KIRREL3: variants seen among roughly 807,000 people sequenced by gnomAD.
The protein encoded by KIRREL3 is kin of IRRE-like protein 3.
A neutral mutation model predicts 89.7 loss-of-function variants in KIRREL3; 36 were observed. That is an observed-to-expected ratio of 0.40 (90% CI 0.31 to 0.53). KIRREL3 has a LOEUF of 0.53. Among genes scored for constraint, KIRREL3 ranks in the 20% least tolerant of loss-of-function variants. KIRREL3 has a pLI of 0.49. For missense variants in KIRREL3, 864 were observed against 1,056.6 expected, an observed-to-expected ratio of 0.82 and a Z score of 2.53; for synonymous variants, 445 against 441.4, an observed-to-expected ratio of 1.01 and a Z score of -0.10.
At position 126,454,165 on chromosome 11, in the gene KIRREL3, C is replaced by T. The variant is rs1221791868; in HGVS notation, c.848+2184G>A. Among the ~76,000 whole-genome samples, 1 of 106,528 alleles carries T rather than the reference C, an allele frequency of 9.4e-6. No homozygotes were observed. The highest frequency in any genetic ancestry group is 2.2e-5 in the Non-Finnish European group (1 of 44,988). The allele number at this position is 106,528 out of a possible 152,430, so 69.9% of individuals were successfully genotyped here. Reference sequence around the variant, plus strand: ...GAGACCTCTCCTCTCCTCCCACCTTCTTCTCTTTCCTATTATTGCTGTTCT... The same window carrying T: ...GAGACCTCTCCTCTCCTCCCACCTTTTTCTCTTTCCTATTATTGCTGTTCT... On this transcript the variant is annotated intron_variant, in intron 7 of 16. Transcript: ENST00000525144. This position sits in a 1 kb window ranked among gnomAD's most constrained non-coding sequence, Gnocchi z 5.8.
intron 1 of KIRREL3, among the ~76,000 whole-genome samples, chr11:126,927,298 A>C (rs1053828342): frequency 2.0e-5 from 3 of 152,210 alleles, no homozygotes; most frequent in African/African-American, 7.2e-5. Flanking sequence ...CACACTATGC[A>C]CTTGATACAC....
rs192139084 is a variant in KIRREL3, at chr11:126,999,366, A to G, written c.55+1089T>C. On this transcript the variant is annotated intron_variant, in intron 1 of 16. Coordinates refer to ENST00000525144, the MANE Select transcript of KIRREL3 (RefSeq NM_032531.4). The surrounding 1 kb of genome is among the most constrained non-coding windows in gnomAD (Gnocchi z 5.7). ...TTTGCTTATATTTGGCTTCTCCCCGACAGGGGAGAAACAGAAGACATGCTG... is the reference window on the plus strand; with the variant it reads ...TTTGCTTATATTTGGCTTCTCCCCGGCAGGGGAGAAACAGAAGACATGCTG... 6.6e-6 allele frequency among the ~76,000 whole-genome samples: 1 copy of G among 152,350 alleles called. No homozygotes were observed. The highest frequency in any genetic ancestry group is 1.5e-5 in the Non-Finnish European group (1 of 68,036).
chr11:126,675,976 C>T (rs1246086884), intron 1 of KIRREL3, among the ~76,000 whole-genome samples: 1 of 152,092 alleles, frequency 6.6e-6, no homozygotes, highest in African/African-American at 2.4e-5. Context: ...TTGATGACTC[C>T]ATGCTTTTGG....
chr11:126,822,065 G>C (rs1199091705), intron 1 of KIRREL3, among the ~76,000 whole-genome samples: 1 of 152,228 alleles, frequency 6.6e-6, no homozygotes, highest in Non-Finnish European at 1.5e-5. Flanking sequence ...AGCAAATGCA[G>C]AGTTAATGAG....
At chr11:126,839,555 C>T (rs1943893333) in intron 1 of KIRREL3, among the ~76,000 whole-genome samples, 2 of 152,272 alleles carry the variant, frequency 1.3e-5, no homozygotes, top group African/African-American at 4.8e-5. Context: ...TTCCAGAAAG[C>T]TGTTCTTCAA....
intron 1 of KIRREL3, among the ~76,000 whole-genome samples, chr11:126,873,783 T>C (rs987232361): frequency 2.0e-5 from 3 of 152,184 alleles, no homozygotes; most frequent in African/African-American, 7.2e-5. Context: ...CTCACTTGGC[T>C]GACTGGGTGC....
At chr11:126,500,232 G>A (rs1348991939) in intron 4 of KIRREL3, among the ~76,000 whole-genome samples, 1 of 152,220 alleles carries the variant, frequency 6.6e-6, no homozygotes, top group African/African-American at 2.4e-5. Context: ...CACCTGATGT[G>A]AGGCTAGCGT....
In KIRREL3 at chr11:126,817,922, C is replaced by T. The variant is rs1024321825; in HGVS notation, c.55+182533G>A. ...TGGCACCCCGTCCTCTTGGCTCTGG[C>T]TGAGCCACTCAGCTCTTGAATCAGA... On this transcript the variant is annotated intron_variant, in intron 1 of 16. Transcript: ENST00000525144. The surrounding 1 kb of genome is among the most constrained non-coding windows in gnomAD (Gnocchi z 5.7). 2.0e-5 allele frequency among the ~76,000 whole-genome samples: 3 copies of T among 152,228 alleles called. No individual in the cohort carries two copies. Among genetic ancestry groups the T allele is most frequent in the African/African-American group, 7.2e-5 (3 of 41,460 alleles).
chr11:126,490,764 A>G lies in KIRREL3; in HGVS notation c.434-17298T>C, dbSNP rs532888369. 6.6e-6 allele frequency among the ~76,000 whole-genome samples: 1 copy of G among 152,274 alleles called. No homozygotes were observed. The highest frequency in any genetic ancestry group is 2.1e-4 in the South Asian group (1 of 4,824). ...GTCTCTCCTCCCTCCTCGTCTCCCAAAGAATGGGTCTGCCTTCTTCATCTC... is the reference window on the plus strand; with the variant it reads ...GTCTCTCCTCCCTCCTCGTCTCCCAGAGAATGGGTCTGCCTTCTTCATCTC... On this transcript the variant is annotated intron_variant, in intron 4 of 16. Transcript: ENST00000525144. The surrounding 1 kb of genome is among the most constrained non-coding windows in gnomAD (Gnocchi z 4.2).
chr11:126,956,310 A>G (rs1336770312), intron 1 of KIRREL3, among the ~76,000 whole-genome samples: 1 of 152,068 alleles, frequency 6.6e-6, no homozygotes, highest in African/African-American at 2.4e-5. Flanking sequence ...ACTCCTTCCC[A>G]TGGAGGGATC....
rs928564463 is a variant in KIRREL3, at chr11:126,912,651, G to A, written c.55+87804C>T. 6.6e-6 allele frequency among the ~76,000 whole-genome samples: 1 copy of A among 152,244 alleles called. No homozygotes were observed. The highest frequency in any genetic ancestry group is 1.5e-5 in the Non-Finnish European group (1 of 68,046). On this transcript the variant is annotated intron_variant, in intron 1 of 16. Coordinates refer to ENST00000525144, the MANE Select transcript of KIRREL3 (RefSeq NM_032531.4). The surrounding 1 kb of genome is among the most constrained non-coding windows in gnomAD (Gnocchi z 4.7). ...ACCTTCCTTCAAGAGGCCATGCTGG[G>A]TAGCAATGGGGCTCCTGCCCCTGCT...
At position 126,796,702 on chromosome 11, in the gene KIRREL3, G is replaced by T. The variant is rs1365999882; in HGVS notation, c.55+203753C>A. On this transcript the variant is annotated intron_variant, in intron 1 of 16. Transcript: ENST00000525144. The surrounding 1 kb of genome is among the most constrained non-coding windows in gnomAD (Gnocchi z 5.1). ...TATTTTATTTTATTTTTGCAACAAG[G>T]TCTTGCTCTGTTGCCCAGGCTGGAG... Among the ~76,000 whole-genome samples, 1 of 151,682 alleles carries T rather than the reference G, an allele frequency of 6.6e-6. No individual in the cohort carries two copies. The highest frequency in any genetic ancestry group is 1.9e-4 in the East Asian group (1 of 5,184).
At chr11:126,949,363 G>T (rs745529519) in intron 1 of KIRREL3, among the ~76,000 whole-genome samples, 1 of 152,288 alleles carries the variant, frequency 6.6e-6, no homozygotes, top group East Asian at 1.9e-4. Context: ...TATCAGAACT[G>T]CTCTAAAGGG....
chr11:126,923,173 CTTCTCTTCTTCTTCTCTTCTTCTTCTTCT>C (rs1947455483), intron 1 of KIRREL3, among the ~76,000 whole-genome samples: 2 of 19,272 alleles, frequency 1.0e-4, no homozygotes, highest in Admixed American at 6.0e-4. Flanking sequence ...TCTTCTTCTT[CTTCTCTTCTTCTTCTCTTCTTCTTCTTCT>C]TCTTCTTCTT....
chr11:126,949,405 G>A (rs565489173), intron 1 of KIRREL3, among the ~76,000 whole-genome samples: 5 of 152,146 alleles, frequency 3.3e-5, no homozygotes, highest in Admixed American at 6.5e-5. Context: ...TTGGACCCTC[G>A]CATCCTTTCC....
intron 1 of KIRREL3, among the ~76,000 whole-genome samples, chr11:126,792,983 T>C (rs1371975337): frequency 6.6e-6 from 1 of 152,174 alleles, no homozygotes. Flanking sequence ...GGTTCACAGA[T>C]GGCCATTTCC....
chr11:126,770,116 T>C (rs1949971493), intron 1 of KIRREL3, among the ~76,000 whole-genome samples: 1 of 151,922 alleles, frequency 6.6e-6, no homozygotes, highest in Non-Finnish European at 1.5e-5. Context: ...TTAGAACAGG[T>C]ACTGAGCAGT....
Position 126,553,275 on chromosome 11 carries a change from A to G in KIRREL3, c.133+9560T>C, listed in dbSNP as rs200250394. ...AATATCTTCTGTTCCATTTTTTTTT[A>G]AATGACACTCTGAGCACTTCTATCT... On this transcript the variant is annotated intron_variant, in intron 2 of 16. Transcript: ENST00000525144. The surrounding 1 kb of genome is among the most constrained non-coding windows in gnomAD (Gnocchi z 4.7). Among the ~76,000 whole-genome samples, 1 of 147,210 alleles carries G rather than the reference A, an allele frequency of 6.8e-6. No homozygotes were observed. The highest frequency in any genetic ancestry group is 1.9e-4 in the East Asian group (1 of 5,176).
At chr11:126,925,110 G>T (rs1051826605) in intron 1 of KIRREL3, among the ~76,000 whole-genome samples, 2 of 137,186 alleles carry the variant, frequency 1.5e-5, no homozygotes, top group East Asian at 2.2e-4. Flanking sequence ...GGGGGGGGGG[G>T]GGCTGTTGGT....
Sources: gnomAD v4.1 joint callset for allele counts (sites outside exome capture counted in the v4.1 genomes callset) on GRCh38, gnomAD v4.1.1 for gene constraint, Gnocchi (gnomAD v3.1) non-coding constraint, MANE v1.5 for transcripts, NCBI Gene and HGNC (gene_info 2026-07-23, HGNC 2026-07-21) for gene names.